CCDC7: variants seen among roughly 807,000 people sequenced by gnomAD.
The protein encoded by CCDC7 is coiled-coil domain containing 7.
A neutral mutation model predicts 196.9 loss-of-function variants in CCDC7; 183 were observed. That is an observed-to-expected ratio of 0.93 (90% confidence interval 0.82 to 1.05). The LOEUF (loss-of-function observed/expected upper bound fraction) is 1.05. CCDC7 is among the 50% of genes least tolerant of loss of function. CCDC7 has a pLI of 0.00. For missense variants in CCDC7, 1,540 were observed against 1,482.2 expected (o/e 1.04, Z -0.64); for synonymous variants, 525 against 484.6 (o/e 1.08, Z -1.10).
chr10:32,850,774 AACACACACACACACACAC>A (rs59662474), intron 39 of CCDC7, among the ~76,000 whole-genome samples: 57,060 of 146,726 alleles, frequency 0.39, 11,895 homozygotes, highest in Non-Finnish European at 0.49. Flanking sequence ...TGTCTCTGAC[AACACACACACACACACAC>A]ACACACACAC....
chr10:32,788,727 C>A (rs1427707217), intron 29 of CCDC7, among the ~76,000 whole-genome samples: 2 of 152,220 alleles, frequency 1.3e-5, no homozygotes, highest in East Asian at 1.9e-4. Flanking sequence ...GCTGTCCCTA[C>A]AGACTCAGGC....
intron 2 of CCDC7, 122 bp downstream of exon 3, chr10:32,453,558 C>A: frequency 3.1e-6 from 2 of 651,540 alleles, no homozygotes; most frequent in Non-Finnish European, 2.1e-6. Flanking sequence ...AATGAATTTC[C>A]CATCCATGAA....
chr10:32,456,096 T>C (rs2034280503), intron 2 of CCDC7, among the ~76,000 whole-genome samples, 155 bp from the exon 4 acceptor site: 1 of 152,232 alleles, frequency 6.6e-6, no homozygotes, highest in Admixed American at 6.5e-5. Flanking sequence ...AATTTGCTAG[T>C]ATGGCATTTG....
intron 32 of CCDC7, among the ~76,000 whole-genome samples, chr10:32,827,865 A>G (rs1043897494): frequency 3.9e-5 from 6 of 152,214 alleles, no homozygotes; most frequent in African/African-American, 1.4e-4. Context: ...AGAAATTTCT[A>G]TCTATAGAGA....
intron 30 of CCDC7, among the ~76,000 whole-genome samples, chr10:32,808,013 A>G (rs980935356): frequency 1.3e-5 from 2 of 152,126 alleles, no homozygotes; most frequent in Admixed American, 6.5e-5. Flanking sequence ...AGTGGGCTGC[A>G]GACACTGCCA....
At chr10:32,619,004 T>C (rs1008558154) in intron 18 of CCDC7, among the ~76,000 whole-genome samples, 27 of 152,058 alleles carry the variant, frequency 1.8e-4, no homozygotes, top group Admixed American at 1.6e-3. Context: ...AGTTCTGAGA[T>C]TTTTTTCTTC....
intron 14 of CCDC7, among the ~76,000 whole-genome samples, chr10:32,566,263 G>C (rs529480519): frequency 3.1e-4 from 47 of 152,226 alleles, no homozygotes; most frequent in African/African-American, 1.1e-3. Flanking sequence ...AAGTATAAAA[G>C]ATATTTGTTA....
intron 41 of CCDC7, 133 bp from the exon 43 acceptor site, chr10:32,876,214 T>A: frequency 1.6e-6 from 1 of 631,524 alleles, no homozygotes; most frequent in Non-Finnish European, 2.8e-6. Flanking sequence ...GGTAGATTTA[T>A]ATACTATTTT....
chr10:32,778,264 T>C (rs903776845), intron 28 of CCDC7, among the ~76,000 whole-genome samples: 5 of 152,226 alleles, frequency 3.3e-5, no homozygotes, highest in Non-Finnish European at 7.4e-5. Context: ...TTGCCAAGGC[T>C]GATATTGAGA....
At chr10:32,825,489 A>T (rs541853984) in intron 32 of CCDC7, among the ~76,000 whole-genome samples, 5 of 152,082 alleles carry the variant, frequency 3.3e-5, no homozygotes, top group Non-Finnish European at 7.4e-5. Context: ...CCCTCGTGTG[A>T]GTTAATACTT....
At chr10:32,571,620 A>G (rs2057566661) in intron 15 of CCDC7, among the ~76,000 whole-genome samples, 1 of 152,110 alleles carries the variant, frequency 6.6e-6, no homozygotes, top group African/African-American at 2.4e-5. Flanking sequence ...TTTGTTTACT[A>G]AAAGTATAAA....
intron 20 of CCDC7, among the ~76,000 whole-genome samples, chr10:32,639,612 G>A (rs191658427): frequency 0.01 from 1,540 of 146,948 alleles, 14 homozygotes; most frequent in Non-Finnish European, 0.018. Flanking sequence ...GAGACAGTTT[G>A]TTATAATTTC....
upstream of CCDC7, among the ~76,000 whole-genome samples, chr10:32,448,844 A>G (rs1269847378): frequency 6.6e-6 from 1 of 152,010 alleles, no homozygotes; most frequent in African/African-American, 2.4e-5. Context: ...ACCTGATACT[A>G]GCTTTTAATA....
exon 2 of CCDC7, chr10:32,453,390 G>T: frequency 6.4e-7 from 1 of 1,553,806 alleles, no homozygotes; most frequent in Non-Finnish European, 8.7e-7. Context: ...GATCAGAATG[G>T]AGAAGAACCA....
rs547014884 is a variant in CCDC7, at chr10:32,766,797, T to C, written c.2906-12180T>C. ...GCCCTGAAAGCACAAGTAAAATATA[T>C]GATGTGGCCAAATACCTATGGTCTC... On this transcript the variant is annotated intron_variant, in intron 28 of 41. Transcript: ENST00000639629. 5.9e-5 allele frequency among the ~76,000 whole-genome samples: 9 copies of C among 152,122 alleles called. No homozygotes were observed. The South Asian group carries it at 6.2e-4, about 11-fold the overall frequency.
At chr10:32,726,689 C>A (rs1311409900) in intron 25 of CCDC7, 45 bp from the exon 27 acceptor site, 1 of 1,126,544 alleles carries the variant, frequency 8.9e-7, no homozygotes, top group Non-Finnish European at 1.3e-6. Flanking sequence ...TTTGTTTTTT[C>A]ATTTAGCGGA....
At chr10:32,505,517 C>T (rs1240303109) in intron 9 of CCDC7, among the ~76,000 whole-genome samples, 1 of 152,174 alleles carries the variant, frequency 6.6e-6, no homozygotes, top group African/African-American at 2.4e-5. Context: ...AGATTAACAG[C>T]ATCCCAAGGC....
intron 32 of CCDC7, among the ~76,000 whole-genome samples, chr10:32,825,815 A>C (rs1054939851): frequency 2.0e-5 from 3 of 152,216 alleles, no homozygotes; most frequent in African/African-American, 7.2e-5. Flanking sequence ...TGAAAGGTGC[A>C]TGCACAGCCT....
At chr10:32,860,174 G>A (rs577411110) in intron 41 of CCDC7, among the ~76,000 whole-genome samples, 1 of 152,250 alleles carries the variant, frequency 6.6e-6, no homozygotes, top group South Asian at 2.1e-4. Context: ...ATAAAATACT[G>A]GCAAACCGAA....
Sources: gnomAD v4.1 joint callset for allele counts (sites outside exome capture counted in the v4.1 genomes callset) on GRCh38, gnomAD v4.1.1 for gene constraint, MANE v1.5 for transcripts, NCBI Gene and HGNC (gene_info 2026-07-23, HGNC 2026-07-21) for gene names.